The following REV1 variants were observed in gnomAD, a reference collection of about 807,000 sequenced individuals.
The protein encoded by REV1 is REV1 DNA directed polymerase.
REV1 carries 42 observed loss-of-function variants against 137.4 expected under a neutral mutation model. The ratio of observed to expected loss-of-function variants is 0.31; its 90% confidence interval spans 0.24 to 0.40. The LOEUF (loss-of-function observed/expected upper bound fraction) is 0.40. REV1 is among the 10% of genes least tolerant of loss of function. REV1 has a pLI of 1.00. For missense variants in REV1, 1,282 were observed against 1,490.1 expected (o/e 0.86, Z 2.30); for synonymous variants, 524 against 519.2 (o/e 1.01, Z -0.12).
chr2:99,410,279 G>A (rs1422382683), intron 14 of REV1, among the ~76,000 whole-genome samples: 1 of 152,116 alleles, frequency 6.6e-6, no homozygotes, highest in East Asian at 1.9e-4. Context: ...CCAAAGTGCT[G>A]GGATTACAGG....
At chr2:99,439,534 G>A (rs773742845) in intron 5 of REV1, among the ~76,000 whole-genome samples, 7 of 151,484 alleles carry the variant, frequency 4.6e-5, no homozygotes, top group Non-Finnish European at 1.0e-4. Context: ...AAAGTAGCAA[G>A]ATAACTAGAA....
chr2:99,459,856 G>GT (rs981325419), intron 3 of REV1, among the ~76,000 whole-genome samples: 1 of 152,220 alleles, frequency 6.6e-6, no homozygotes, highest in African/African-American at 2.4e-5. Flanking sequence ...CAAGTTCAAT[G>GT]TTAACTGGGT....
intron 3 of REV1, among the ~76,000 whole-genome samples, chr2:99,460,364 C>T (rs948344518): frequency 4.6e-5 from 7 of 152,252 alleles, no homozygotes; most frequent in Middle Eastern, 3.4e-3. Context: ...CGTGAGCCAC[C>T]GTGCCTGGCC....
chr2:99,471,487 CAT>C (rs1178497576), intron 1 of REV1, among the ~76,000 whole-genome samples: 5 of 151,896 alleles, frequency 3.3e-5, no homozygotes, highest in African/African-American at 9.7e-5. Context: ...TGGGAGAAAA[CAT>C]AAAAGCTTCA....
rs1011019773 is a variant in REV1, at chr2:99,489,915, G to A, written c.-109C>T. On this transcript the variant is annotated 5_prime_UTR_variant, in exon 1 of 23. Coordinates refer to ENST00000258428, the MANE Select transcript of REV1 (RefSeq NM_016316.4). Reference sequence around the variant, plus strand: ...CCGCCAGTGCCCTCGCCAGGGACCAGGGAGGAGGGCCGGGGGAAGGCAGCC... The same window carrying A: ...CCGCCAGTGCCCTCGCCAGGGACCAAGGAGGAGGGCCGGGGGAAGGCAGCC... The A allele has an allele frequency of 6.7e-6, 1 of 150,144 alleles. No homozygotes were observed. The highest frequency in any genetic ancestry group is 6.6e-5 in the Admixed American group (1 of 15,106). 9.3% of individuals were successfully genotyped at this position (150,144 alleles called of 1,614,324 possible).
At chr2:99,462,741 G>A (rs1299992851) in intron 2 of REV1, 119 bp from the exon 3 acceptor site, 6 of 996,296 alleles carry the variant, frequency 6.0e-6, no homozygotes, top group Non-Finnish European at 9.0e-6. Flanking sequence ...CTAGTGACCA[G>A]AACATAATGA....
At chr2:99,484,511 A>G (rs537454969) in intron 1 of REV1, among the ~76,000 whole-genome samples, 1 of 152,350 alleles carries the variant, frequency 6.6e-6, no homozygotes, top group South Asian at 2.1e-4. Context: ...AATCTAATGT[A>G]TTATATGCAA....
At chr2:99,431,668 G>C in intron 8 of REV1, 1 of 912,066 alleles carries the variant, frequency 1.1e-6, no homozygotes, top group Non-Finnish European at 1.3e-6. Flanking sequence ...AACAGTCTCT[G>C]TGGTCCATGC....
chr2:99,437,407 A>C (rs1423441740), intron 6 of REV1, among the ~76,000 whole-genome samples: 1 of 152,218 alleles, frequency 6.6e-6, no homozygotes, highest in African/African-American at 2.4e-5. Flanking sequence ...CTGCAGCCTA[A>C]GAGTGGCAGA....
At chr2:99,431,436 G>GT (rs1336142569) in intron 8 of REV1, among the ~76,000 whole-genome samples, 2 of 150,362 alleles carry the variant, frequency 1.3e-5, no homozygotes, top group Admixed American at 6.6e-5. Context: ...CTGAAAAACT[G>GT]TAAGAATTTC....
At chr2:99,446,371 G>C (rs1021224190) in intron 4 of REV1, among the ~76,000 whole-genome samples, 1 of 152,164 alleles carries the variant, frequency 6.6e-6, no homozygotes, top group South Asian at 2.1e-4. Context: ...TCCAGACTAA[G>C]ATAAAATCCA....
At chr2:99,429,131 A>G (rs1336482837) in intron 9 of REV1, among the ~76,000 whole-genome samples, 2 of 152,200 alleles carry the variant, frequency 1.3e-5, no homozygotes, top group East Asian at 3.8e-4. Flanking sequence ...TTGGTTGACA[A>G]GGAAAAAAAA....
At chr2:99,419,377 T>C (rs1186934207) in intron 11 of REV1, among the ~76,000 whole-genome samples, 3 of 151,830 alleles carry the variant, frequency 2.0e-5, no homozygotes, top group Admixed American at 2.0e-4. Flanking sequence ...CATGCCCGGC[T>C]AATTTTTCTG....
chr2:99,431,768 G>A (rs749948340), intron 8 of REV1: 9 of 985,416 alleles, frequency 9.1e-6, no homozygotes, highest in Non-Finnish European at 1.1e-5. Context: ...AGAGTGCGTG[G>A]GTCCCTCCAC....
In REV1 at chr2:99,468,748, G is replaced by A. The variant is rs192447486; in HGVS notation, c.-10-3763C>T. Among the ~76,000 whole-genome samples the A allele has an allele frequency of 2.0e-5, 3 of 152,200 alleles. No individual in the cohort carries two copies. In the East Asian group the frequency reaches 5.8e-4, roughly 29 times the overall value. On this transcript the variant is annotated intron_variant, in intron 1 of 22. Transcript: ENST00000258428. ...GTTTCAAAAAATTAGTTTAAAAAAC[G>A]GATGAAGAGTGAATACATGAATGCA...
At chr2:99,401,489 G>C (rs1675402523) in intron 22 of REV1, 137 bp from the exon 23 acceptor site, 1 of 531,146 alleles carries the variant, frequency 1.9e-6, no homozygotes, top group Admixed American at 3.2e-5. Context: ...GCTCATGCCT[G>C]TAATCCCAGC....
intron 12 of REV1, among the ~76,000 whole-genome samples, chr2:99,416,190 G>C (rs946805253): frequency 6.6e-6 from 1 of 152,212 alleles, no homozygotes; most frequent in Non-Finnish European, 1.5e-5. Flanking sequence ...CCTCCAAAGC[G>C]TGTTCCACAA....
In REV1 at chr2:99,416,263, A is replaced by T. The variant is rs1056768877; in HGVS notation, c.1951+2565T>A. Among the ~76,000 whole-genome samples the T allele has an allele frequency of 6.6e-4, 100 of 152,368 alleles. No homozygotes were observed. In the Middle Eastern group the frequency reaches 0.01, roughly 16 times the overall value. On this transcript the variant is annotated intron_variant, in intron 12 of 22. Transcript: ENST00000258428. ...TTTGAGAAATTACTAGTCTTTAACA[A>T]AGATAAATAGGTTTCTTTTCTAAAA...
intron 15 of REV1, 61 bp from the exon 16 acceptor site, chr2:99,406,551 T>C (rs528696206): frequency 7.4e-7 from 1 of 1,349,774 alleles, no homozygotes; most frequent in African/African-American, 1.5e-5. Context: ...TGAATTCAGC[T>C]AAGCAAAATC....
Sources: allele counts gnomAD v4.1 joint callset (sites outside exome capture counted in the v4.1 genomes callset), GRCh38; gene constraint gnomAD v4.1.1; transcripts MANE v1.5; gene names NCBI Gene and HGNC (gene_info 2026-07-23, HGNC 2026-07-21).